ETS2: variants seen among roughly 807,000 people sequenced by gnomAD.
ETS2 encodes ETS proto-oncogene 2, transcription factor, also known as protein C-ets-2.
Under a neutral mutation model 54.9 loss-of-function variants are expected in ETS2, and 19 were observed. That is an observed-to-expected ratio of 0.35 (90% CI 0.24 to 0.51). The LOEUF (loss-of-function observed/expected upper bound fraction) is 0.51. Among genes scored for constraint, ETS2 ranks in the 20% least tolerant of loss-of-function variants. ETS2 has a pLI of 0.97. For missense variants in ETS2, 417 were observed against 593.0 expected, an observed-to-expected ratio of 0.70 and a Z score of 3.08; for synonymous variants, 219 against 229.3, an observed-to-expected ratio of 0.95 and a Z score of 0.41.
At chr21:38,805,894 C>A (rs896139054), upstream of ETS2, 5 of 1,223,646 alleles carry the variant, frequency 4.1e-6, no homozygotes, top group Admixed American at 2.9e-5. This position sits in a 1 kb window ranked among gnomAD's most constrained non-coding sequence, Gnocchi z 5.2. Flanking sequence ...CTCCTCCTCC[C>A]GCTCCTGAAG....
In ETS2 at chr21:38,806,558, C is replaced by G; in HGVS notation, c.-1+438C>G. The stretch of plus-strand genomic sequence containing the variant: ...AGCGTGTCCGAGGTGGCCTGGCGCC[C>G]CGGCTTTGAGGGTGACTTCCTGGAG... On this transcript the variant is annotated intron_variant, in intron 1 of 9. Coordinates refer to ENST00000360938, the MANE Select transcript of ETS2 (RefSeq NM_005239.6). This position sits in a 1 kb window ranked among gnomAD's most constrained non-coding sequence, Gnocchi z 4.3. The G allele has an allele frequency of 2.0e-6, 2 of 985,444 alleles. No individual in the cohort carries two copies. The highest frequency in any genetic ancestry group is 2.4e-6 in the Non-Finnish European group (2 of 829,990). The allele number at this position is 985,444 out of a possible 1,614,324, so 61.0% of individuals were successfully genotyped here.
In ETS2 at chr21:38,806,939, A is replaced by G. The variant is rs368600334; in HGVS notation, c.-1+819A>G. The G allele has an allele frequency of 3.6e-5, 22 of 608,108 alleles. No homozygotes were observed. The South Asian group carries it at 1.3e-3, about 36-fold the overall frequency. The allele number at this position is 608,108 out of a possible 1,614,324, so 37.7% of individuals were successfully genotyped here. ...AGCCTAAAACAGTAGTTGACGCGCT[A>G]GTTATTTAGAAAGTAAAGAAATGAG... On this transcript the variant is annotated intron_variant, in intron 1 of 9. Coordinates refer to ENST00000360938, the MANE Select transcript of ETS2 (RefSeq NM_005239.6). This position sits in a 1 kb window ranked among gnomAD's most constrained non-coding sequence, Gnocchi z 4.3.
intron 2 of ETS2, among the ~76,000 whole-genome samples, chr21:38,812,110 T>C (rs999217125): frequency 6.6e-6 from 1 of 152,226 alleles, no homozygotes; most frequent in Admixed American, 6.5e-5. Context: ...TTCCAAACCA[T>C]TGGAATTGAT....
At position 38,821,479 on chromosome 21, in the gene ETS2, G is replaced by A. The variant is rs1462510175; in HGVS notation, c.1076-107G>A. The A allele has an allele frequency of 2.4e-6, 2 of 824,370 alleles. No individual in the cohort carries two copies. The highest frequency in any genetic ancestry group is 2.1e-6 in the Non-Finnish European group (1 of 483,942). The allele number at this position is 824,370 out of a possible 1,614,324, so 51.1% of individuals were successfully genotyped here. A position where few individuals can be genotyped will look rare whatever the true frequency, so the allele number is the denominator to read the frequency against. ...GTAACATCGGAACCCCATTCAGAGA[G>A]TTGGGTCTGCATTCCTAAATCAGCA... On this transcript the variant is annotated intron_variant, in intron 8 of 9. Coordinates refer to ENST00000360938, the MANE Select transcript of ETS2 (RefSeq NM_005239.6). The surrounding 1 kb of genome is among the most constrained non-coding windows in gnomAD (Gnocchi z 4.2).
At chr21:38,819,462 T>G (rs1163169225) in intron 7 of ETS2, 41 bp from the exon 8 acceptor site, 1 of 1,605,690 alleles carries the variant, frequency 6.2e-7, no homozygotes, top group Non-Finnish European at 8.5e-7. Context: ...ACCAACTGTG[T>G]CCTGGAGGAA....
upstream of ETS2, chr21:38,805,371 C>T (rs1324858913): frequency 3.9e-6 from 5 of 1,288,968 alleles, no homozygotes; most frequent in Middle Eastern, 2.5e-4. The surrounding 1 kb of genome is among the most constrained non-coding windows in gnomAD (Gnocchi z 5.2). Context: ...ATTTCAGGGC[C>T]TTATTACCCA....
chr21:38,805,387 G>A (rs766495151), upstream of ETS2: 13 of 1,288,710 alleles, frequency 1.0e-5, no homozygotes, highest in African/African-American at 1.7e-4. The surrounding 1 kb of genome is among the most constrained non-coding windows in gnomAD (Gnocchi z 5.2). Flanking sequence ...ACCCAAGCCC[G>A]GCTGCCCTTC....
chr21:38,818,858 T>C (rs1425124578), intron 7 of ETS2, among the ~76,000 whole-genome samples: 1 of 152,220 alleles, frequency 6.6e-6, no homozygotes, highest in Admixed American at 6.5e-5. Context: ...AAACAGTCCC[T>C]GCTCTTACAG....
chr21:38,805,589 C>A (rs1300057849), upstream of ETS2: 5 of 1,271,154 alleles, frequency 3.9e-6, no homozygotes, highest in Admixed American at 9.6e-5. This position sits in a 1 kb window ranked among gnomAD's most constrained non-coding sequence, Gnocchi z 5.2. Flanking sequence ...AGGGACCCAG[C>A]CGAGTGACAG....
Position 38,814,636 on chromosome 21 carries a change from T to A in ETS2, c.305-145T>A. On this transcript the variant is annotated intron_variant, in intron 4 of 9. Coordinates refer to ENST00000360938, the MANE Select transcript of ETS2 (RefSeq NM_005239.6). This position sits in a 1 kb window ranked among gnomAD's most constrained non-coding sequence, Gnocchi z 4.2. ...GAAATGTGCCTGGGTCGTGTCAGAATGGTGACGTGTCATCATGGTATCTTG... is the reference window on the plus strand; with the variant it reads ...GAAATGTGCCTGGGTCGTGTCAGAAAGGTGACGTGTCATCATGGTATCTTG... The A allele has an allele frequency of 1.2e-6, 1 of 803,622 alleles. No individual in the cohort carries two copies. Among genetic ancestry groups the A allele is most frequent in the Non-Finnish European group, 2.0e-6 (1 of 501,938 alleles). The allele number at this position is 803,622 out of a possible 1,614,324, so 49.8% of individuals were successfully genotyped here. A position where few individuals can be genotyped will look rare whatever the true frequency, so the allele number is the denominator to read the frequency against.
At chr21:38,810,139 T>C (rs764987763) in intron 2 of ETS2, 33 bp downstream of exon 2, 3 of 1,326,944 alleles carry the variant, frequency 2.3e-6, no homozygotes, top group South Asian at 1.4e-5. Flanking sequence ...TTTTTTTTAA[T>C]TGGAAAACTC....
In ETS2 at chr21:38,819,503, G is replaced by A. The variant is rs1365417546; in HGVS notation, c.812G>A (p.Gly271Glu). ...SNLNLLTNNS[G>E]TPKDHDSPEN... is the part of the protein sequence containing the mutation. Reference sequence around the variant, plus strand: ...GTATGTGTTTGGTTGTCTTTGCCAGGGACTCCCAAAGACCACGACTCCCCT... The same window carrying A: ...GTATGTGTTTGGTTGTCTTTGCCAGAGACTCCCAAAGACCACGACTCCCCT... Residue 271 changes from glycine to glutamate, a missense_variant and splice_region_variant, in exon 8 of 10, where the codon GGG becomes GAG. By Grantham distance (98) the Gly-to-Glu change is moderately conservative. Transcript: ENST00000360938. 6.2e-7 allele frequency: 1 copy of A among 1,613,452 alleles called. No individual in the cohort carries two copies. Among genetic ancestry groups the A allele is most frequent in the Non-Finnish European group, 8.5e-7 (1 of 1,179,426 alleles).
chr21:38,811,642 G>A (rs1182693739), intron 2 of ETS2, among the ~76,000 whole-genome samples: 3 of 152,006 alleles, frequency 2.0e-5, no homozygotes, highest in Non-Finnish European at 2.9e-5. Context: ...AGATATTATC[G>A]GTTACTTTCA....
chr21:38,818,691 G>C (rs369448029), intron 7 of ETS2, 45 bp downstream of exon 7: 19 of 1,604,954 alleles, frequency 1.2e-5, no homozygotes, highest in Non-Finnish European at 1.5e-5. Flanking sequence ...CTTTGATTCT[G>C]AGAACCCCAG....
In ETS2 at chr21:38,806,074, A is replaced by G. The variant is rs996248738; in HGVS notation, c.-47A>G. 7 of 1,154,414 alleles carry G rather than the reference A, an allele frequency of 6.1e-6. No homozygotes were observed. In the African/African-American group the frequency reaches 1.0e-4, roughly 17 times the overall value. 71.5% of individuals were successfully genotyped at this position (1,154,414 alleles called of 1,614,324 possible). On this transcript the variant is annotated 5_prime_UTR_variant, in exon 1 of 10. Transcript: ENST00000360938. The surrounding 1 kb of genome is among the most constrained non-coding windows in gnomAD (Gnocchi z 4.3). The stretch of plus-strand genomic sequence containing the variant: ...GCGCACCGAGCAGCCGCGGGCGCCG[A>G]GCAGCCACCGTCCCGACCAAGCGCC...
In ETS2 at chr21:38,819,572, A is replaced by T; in HGVS notation, c.881A>T (p.Gln294Leu). 1 of 1,614,188 alleles carries T rather than the reference A, an allele frequency of 6.2e-7. No individual in the cohort carries two copies. Reference sequence around the variant, plus strand: ...TTCGAGAGCTCAGACTCCCTCCTCCAGTCCTGGAACAGCCAGTCGTCCTTG... The same window carrying T: ...TTCGAGAGCTCAGACTCCCTCCTCCTGTCCTGGAACAGCCAGTCGTCCTTG... ...DSFESSDSLL[Q>L]SWNSQSSLLD... Residue 294 changes from glutamine (Q) to leucine (L), a missense_variant, in exon 8 of 10, where the codon CAG becomes CTG. By Grantham distance (113) the Gln-to-Leu change is moderately radical. Around this residue, in one of 3 missense-constraint regions of ETS2, gnomAD observed 326 missense variants for 426.1 expected, o/e 0.76. Transcript: ENST00000360938.
At chr21:38,805,307 A>G, upstream of ETS2, 2 of 1,247,144 alleles carry the variant, frequency 1.6e-6, no homozygotes, top group Non-Finnish European at 2.1e-6. This position sits in a 1 kb window ranked among gnomAD's most constrained non-coding sequence, Gnocchi z 5.2. Flanking sequence ...TTTTTGTGAT[A>G]GAATGATCAT....
chr21:38,814,749 C>A lies in ETS2; in HGVS notation c.305-32C>A. Reference sequence around the variant, plus strand: ...CACTACCTTTCCACTGTTTTTACCTCATGTGTTCCATTTTTTCTTCTCTCC... The same window carrying A: ...CACTACCTTTCCACTGTTTTTACCTAATGTGTTCCATTTTTTCTTCTCTCC... On this transcript the variant is annotated intron_variant, in intron 4 of 9. Coordinates refer to ENST00000360938, the MANE Select transcript of ETS2 (RefSeq NM_005239.6). This position sits in a 1 kb window ranked among gnomAD's most constrained non-coding sequence, Gnocchi z 4.2. 1 of 1,594,636 alleles carries A rather than the reference C, an allele frequency of 6.3e-7. No individual in the cohort carries two copies. The highest frequency in any genetic ancestry group is 8.6e-7 in the Non-Finnish European group (1 of 1,162,882).
At position 38,806,763 on chromosome 21, in the gene ETS2, C is replaced by T; in HGVS notation, c.-1+643C>T. ...CTGTCGGAAATGAGATCTGGTTGCG[C>T]TGGGCTGCCTTTATTTTCTCGTTCC... On this transcript the variant is annotated intron_variant, in intron 1 of 9. Coordinates refer to ENST00000360938, the MANE Select transcript of ETS2 (RefSeq NM_005239.6). This position sits in a 1 kb window ranked among gnomAD's most constrained non-coding sequence, Gnocchi z 4.3. 2.0e-6 allele frequency: 2 copies of T among 985,462 alleles called. No homozygotes were observed. The highest frequency in any genetic ancestry group is 1.7e-5 in the African/African-American group (1 of 57,364). 61.0% of individuals were successfully genotyped at this position (985,462 alleles called of 1,614,324 possible).
Sources: gnomAD v4.1 joint callset for allele counts (sites outside exome capture counted in the v4.1 genomes callset) on GRCh38, gnomAD v4.1.1 for gene constraint, gnomAD v4.1.1 regional missense constraint, Gnocchi (gnomAD v3.1) non-coding constraint, MANE v1.5 for transcripts, NCBI Gene and HGNC (gene_info 2026-07-23, HGNC 2026-07-21) for gene names.